DHRSX: variants seen among roughly 807,000 people sequenced by gnomAD.
DHRSX encodes dehydrogenase/reductase X-linked.
DHRSX carries 31 observed loss-of-function variants against 34.0 expected under a neutral mutation model. That is an observed-to-expected ratio of 0.91 (90% CI 0.69 to 1.23). DHRSX has a LOEUF of 1.23. Among genes scored for constraint, DHRSX ranks in the 50% most tolerant of loss-of-function variants. DHRSX has a pLI of 0.00. For missense variants in DHRSX, 414 were observed against 428.1 expected (o/e 0.97, Z 0.29); for synonymous variants, 201 against 183.8 (o/e 1.09, Z -0.76).
chrX:2,491,719 G>A (rs376368677), intron 1 of DHRSX, among the ~76,000 whole-genome samples: 99 of 152,346 alleles, frequency 6.5e-4, no homozygotes, highest in African/African-American at 2.3e-3. Flanking sequence ...GTCTGAAGAA[G>A]CATGGATTTC....
intron 1 of DHRSX, among the ~76,000 whole-genome samples, chrX:2,475,483 C>CCCTAA (rs1394417222): frequency 6.6e-6 from 1 of 151,816 alleles, no homozygotes; most frequent in Non-Finnish European, 1.5e-5. Context: ...TGAAGATGTT[C>CCCTAA]CCTAACCATG....
intron 3 of DHRSX, among the ~76,000 whole-genome samples, chrX:2,339,390 C>T (rs1363436639): frequency 6.6e-6 from 1 of 152,044 alleles, no homozygotes; most frequent in Non-Finnish European, 1.5e-5. Context: ...CCGCTCGCCT[C>T]AGCCTCCCAA....
At chrX:2,345,469 C>G (rs1447085233) in intron 3 of DHRSX, among the ~76,000 whole-genome samples, 1 of 151,636 alleles carries the variant, frequency 6.6e-6, no homozygotes, top group Non-Finnish European at 1.5e-5. Flanking sequence ...ATGGTGAAAC[C>G]TTGTCTCTAC....
At chrX:2,243,307 C>A (rs1163453829) in intron 5 of DHRSX, 77 bp from the exon 6 acceptor site, 14 of 1,339,324 alleles carry the variant, frequency 1.0e-5, no homozygotes. Context: ...AGCATCTGTA[C>A]CTGCGGCCAC....
intron 1 of DHRSX, among the ~76,000 whole-genome samples, chrX:2,491,076 T>TTG (rs1278946734): frequency 7.8e-4 from 100 of 128,206 alleles, no homozygotes; most frequent in African/African-American, 1.8e-3. Context: ...GTTTTTTTTT[T>TTG]TTTTTTTTTT....
At chrX:2,436,369 G>C (rs1354455269) in intron 1 of DHRSX, among the ~76,000 whole-genome samples, 1 of 151,666 alleles carries the variant, frequency 6.6e-6, no homozygotes, top group Admixed American at 6.6e-5. Flanking sequence ...GAGCTTCAGG[G>C]CATGGCAGGT....
At chrX:2,389,254 G>A (rs953679563) in intron 3 of DHRSX, among the ~76,000 whole-genome samples, 1 of 152,166 alleles carries the variant, frequency 6.6e-6, no homozygotes, top group Non-Finnish European at 1.5e-5. Flanking sequence ...CCTGCACCCA[G>A]GTGGGTGCTC....
At chrX:2,395,853 T>C (rs2043402694) in intron 3 of DHRSX, among the ~76,000 whole-genome samples, 1 of 152,144 alleles carries the variant, frequency 6.6e-6, no homozygotes, top group African/African-American at 2.4e-5. Context: ...AGTATGCCTC[T>C]ATCAGCAATG....
At chrX:2,411,249 G>A (rs73191364) in intron 2 of DHRSX, among the ~76,000 whole-genome samples, 11,124 of 152,054 alleles carry the variant, frequency 0.073, 489 homozygotes, top group Non-Finnish European at 0.093. Flanking sequence ...GCCATCTCAA[G>A]ATCAAAGGGT....
intron 2 of DHRSX, among the ~76,000 whole-genome samples, chrX:2,409,711 GTTTTTTTGTTTTGTTTT>G (rs991388266): frequency 2.6e-5 from 4 of 151,384 alleles, no homozygotes; most frequent in African/African-American, 9.7e-5. Flanking sequence ...TGTTAATTGG[GTTTTTTTGTTTTGTTTT>G]TTTGTTTTGT....
intron 6 of DHRSX, among the ~76,000 whole-genome samples, chrX:2,232,431 G>T (rs2015917045): frequency 6.6e-6 from 1 of 152,020 alleles, no homozygotes; most frequent in Admixed American, 6.6e-5. Flanking sequence ...CAGCCCCAAA[G>T]CTGGGGCTCA....
intron 3 of DHRSX, among the ~76,000 whole-genome samples, chrX:2,325,669 T>G (rs768477192): frequency 5.3e-5 from 8 of 151,806 alleles, no homozygotes; most frequent in Non-Finnish European, 8.8e-5. Context: ...CATAAACGAT[T>G]AGGGTGGGCA....
chrX:2,236,633 C>T (rs1256070501), intron 6 of DHRSX, among the ~76,000 whole-genome samples: 2 of 151,948 alleles, frequency 1.3e-5, no homozygotes, highest in South Asian at 2.1e-4. Context: ...GGTTTCACCA[C>T]GTTGGCCAGG....
intron 3 of DHRSX, among the ~76,000 whole-genome samples, chrX:2,371,342 G>T (rs765786342): frequency 7.8e-6 from 1 of 128,320 alleles, no homozygotes; most frequent in South Asian, 2.5e-4. Flanking sequence ...CCCTCCTTCC[G>T]TTACCATAGT....
intron 4 of DHRSX, among the ~76,000 whole-genome samples, chrX:2,270,455 C>G (rs1388617247): frequency 6.6e-6 from 1 of 152,184 alleles, no homozygotes; most frequent in Non-Finnish European, 1.5e-5. Flanking sequence ...AAAGAATTTG[C>G]AGGCCTGTTT....
rs2016179761 is a variant in DHRSX at position 2,243,109 on chromosome X, G to A, written c.718C>T (p.Pro240Ser). 1.9e-6 allele frequency: 3 copies of A among 1,613,768 alleles called. No individual in the cohort carries two copies. Among genetic ancestry groups the A allele is most frequent in the Non-Finnish European group, 1.7e-6 (2 of 1,179,866 alleles). The change falls in exon 6 of 7, where the codon CCC becomes TCC. Residue 240 changes from proline to serine, a missense_variant. Pro to Ser is a moderately conservative substitution (Grantham distance 74). Coordinates refer to ENST00000334651, the MANE Select transcript of DHRSX (RefSeq NM_145177.3). ...TAGACGTCCGTGTTGACCACCCCGG[G>A]GTCCACCACGTTGGCGGTCACGTGG... is the stretch of plus-strand genomic sequence containing the variant. Reference protein sequence around the residue: ...GSHVTANVVDPGVVNTDVYKH... With the variant: ...GSHVTANVVDSGVVNTDVYKH...
chrX:2,425,424 T>A, intron 1 of DHRSX, 120 bp from the exon 2 acceptor site: 2 of 845,750 alleles, frequency 2.4e-6, no homozygotes, highest in Middle Eastern at 2.5e-4. Context: ...TTATTTCTGG[T>A]TCTGTTCCTC....
rs2042344882 is a variant in DHRSX, at chrX:2,324,002, A to G, written c.287-32399T>C. ...AGCCTCGGAAGTTGAAGTTGCAGTGAGCCATGATCACACCACTGCACTCCA... is the reference window on the plus strand; with the variant it reads ...AGCCTCGGAAGTTGAAGTTGCAGTGGGCCATGATCACACCACTGCACTCCA... On this transcript the variant is annotated intron_variant, in intron 3 of 6. Transcript: ENST00000334651. Among the ~76,000 whole-genome samples the G allele has an allele frequency of 2.0e-5, 3 of 150,736 alleles. No individual in the cohort carries two copies. In the South Asian group the frequency reaches 6.3e-4, roughly 32 times the overall value.
intron 3 of DHRSX, among the ~76,000 whole-genome samples, chrX:2,396,607 G>A (rs1030339449): frequency 4.0e-5 from 6 of 151,500 alleles, no homozygotes; most frequent in African/African-American, 1.2e-4. Flanking sequence ...CGAACTCCTG[G>A]CCTCAAGCAA....
Sources: gnomAD v4.1 joint callset for allele counts (sites outside exome capture counted in the v4.1 genomes callset) on GRCh38, gnomAD v4.1.1 for gene constraint, MANE v1.5 for transcripts, NCBI Gene and HGNC (gene_info 2026-07-23, HGNC 2026-07-21) for gene names.